B4GALT4: variants seen among roughly 807,000 people sequenced by gnomAD.
B4GALT4 encodes the protein beta-1,4-galactosyltransferase 4.
A neutral mutation model predicts 37.3 loss-of-function variants in B4GALT4; 27 were observed. The ratio of observed to expected loss-of-function variants is 0.72; its 90% CI spans 0.53 to 1.00. B4GALT4 has a LOEUF of 1.00. Ranked by LOEUF, B4GALT4 falls within the 50% of genes least tolerant of loss-of-function variation. The pLI is 0.00. For missense variants in B4GALT4, 372 were observed against 413.1 expected (o/e 0.90, Z 0.86); for synonymous variants, 148 against 154.1 (o/e 0.96, Z 0.29).
At chr3:119,218,892 C>T in intron 5 of B4GALT4, 120 bp from the exon 6 acceptor site, 1 of 1,227,124 alleles carries the variant, frequency 8.1e-7, no homozygotes, top group Non-Finnish European at 1.1e-6. Context: ...ACTCCTGCTT[C>T]TCCTGCTTGA....
intron 3 of B4GALT4, among the ~76,000 whole-genome samples, chr3:119,227,624 C>CA (rs1415172592): frequency 2.6e-5 from 4 of 152,176 alleles, no homozygotes; most frequent in African/African-American, 9.7e-5. Flanking sequence ...TTTGCCACCA[C>CA]AACAGACGTT....
chr3:119,216,894 T>C (rs2078307782), intron 6 of B4GALT4, among the ~76,000 whole-genome samples: 1 of 152,176 alleles, frequency 6.6e-6, no homozygotes, highest in Non-Finnish European at 1.5e-5. Flanking sequence ...TGATAGGGAG[T>C]TGATTTCAAA....
chr3:119,224,143 G>T lies in B4GALT4; in HGVS notation c.589C>A (p.Leu197Met). The change falls in exon 5 of 8, where the codon CTG becomes ATG. Residue 197 changes from leucine to methionine, a missense_variant. Physicochemically the swap from Leu to Met is conservative, Grantham distance 15. Coordinates refer to ENST00000393765, the MANE Select transcript of B4GALT4 (RefSeq NM_003778.4). ...WDCFIFHDVD[L>M]VPENDFNLYK... Reference sequence around the variant, plus strand: ...AGGTTAAAGTCATTCTCGGGTACCAGGTCCACATCGTGGAATATAAAGCAG... The same window carrying T: ...AGGTTAAAGTCATTCTCGGGTACCATGTCCACATCGTGGAATATAAAGCAG... 1 of 1,614,094 alleles carries T rather than the reference G, an allele frequency of 6.2e-7. No individual in the cohort carries two copies.
intron 5 of B4GALT4, among the ~76,000 whole-genome samples, chr3:119,223,776 C>G (rs2078517875): frequency 6.6e-6 from 1 of 152,176 alleles, no homozygotes; most frequent in Non-Finnish European, 1.5e-5. Context: ...CGAAAGCCCC[C>G]CGACAGGGGC....
chr3:119,214,848 C>T (rs1301251397), intron 7 of B4GALT4: 1 of 152,166 alleles, frequency 6.6e-6, no homozygotes, highest in Admixed American at 6.5e-5. Flanking sequence ...CTGCTGAAGT[C>T]ATTAGGTAAA....
At chr3:119,220,811 C>T (rs999838221) in intron 5 of B4GALT4, among the ~76,000 whole-genome samples, 2 of 152,110 alleles carry the variant, frequency 1.3e-5, no homozygotes, top group Admixed American at 6.5e-5. Flanking sequence ...ACTGCGAAAC[C>T]CCGTCTCCAC....
chr3:119,217,709 G>A (rs2078329700), intron 6 of B4GALT4, among the ~76,000 whole-genome samples: 1 of 151,966 alleles, frequency 6.6e-6, no homozygotes, highest in South Asian at 2.1e-4. Flanking sequence ...CAGACACGGC[G>A]GCACACGCCT....
At chr3:119,226,618 C>G in intron 4 of B4GALT4, 191 bp downstream of exon 4, 2 of 602,838 alleles carry the variant, frequency 3.3e-6, no homozygotes, top group Non-Finnish European at 5.8e-6. Flanking sequence ...TTTCCCAGAA[C>G]TTGAACCCAT....
chr3:119,212,430 A>G lies in B4GALT4; in HGVS notation c.*119T>C, dbSNP rs750842521. On this transcript the variant is annotated 3_prime_UTR_variant, in exon 8 of 8. Transcript: ENST00000393765. The stretch of plus-strand genomic sequence containing the variant: ...TGCTAAGAAAATACAAAAAGGAAAA[A>G]TTCAGCTCAACAATGAGCTGTAACA... The G allele has an allele frequency of 3.8e-6, 4 of 1,059,946 alleles. No homozygotes were observed. The African/African-American group carries it at 6.4e-5, about 17-fold the overall frequency. The allele number at this position is 1,059,946 out of a possible 1,614,324, so 65.7% of individuals were successfully genotyped here.
intron 7 of B4GALT4, 44 bp from the exon 8 acceptor site, chr3:119,212,725 A>G (rs761462193): frequency 6.5e-7 from 1 of 1,526,968 alleles, no homozygotes. Flanking sequence ...AATTTAACAT[A>G]TGTCTCCACT....
Position 119,216,451 on chromosome 3 carries a change from C to T in B4GALT4, c.798-107G>A, listed in dbSNP as rs574859324. 2,621 of 472,946 alleles carry T rather than the reference C, an allele frequency of 5.5e-3. 243 individuals carry two copies. Among genetic ancestry groups the T allele is most frequent in the Admixed American group, 0.043 (1,131 of 26,310 alleles). The allele number at this position is 472,946 out of a possible 1,614,324, so 29.3% of individuals were successfully genotyped here. On this transcript the variant is annotated intron_variant, in intron 6 of 7. Coordinates refer to ENST00000393765, the MANE Select transcript of B4GALT4 (RefSeq NM_003778.4). ...TTATACACACACACGCACATACACA[C>T]ACACACACACACACACACACAGTGT...
intron 2 of B4GALT4, among the ~76,000 whole-genome samples, chr3:119,230,802 G>A (rs766128022): frequency 6.6e-6 from 1 of 152,196 alleles, no homozygotes; most frequent in Non-Finnish European, 1.5e-5. Context: ...GGCCAGGAGG[G>A]AGTCTGTCAA....
At chr3:119,223,656 T>C (rs1354503027) in intron 5 of B4GALT4, among the ~76,000 whole-genome samples, 1 of 151,764 alleles carries the variant, frequency 6.6e-6, no homozygotes, top group East Asian at 1.9e-4. Flanking sequence ...GTCTGGAAAG[T>C]GATGTCTCAA....
rs1409074025 is a variant in B4GALT4 at position 119,224,223 on chromosome 3, C to G, written c.509G>C (p.Arg170Pro). The G allele has an allele frequency of 6.2e-7, 1 of 1,606,354 alleles. No individual in the cohort carries two copies. The highest frequency in any genetic ancestry group is 1.7e-5 in the Admixed American group (1 of 58,264). The change falls in exon 5 of 8, where the codon CGA (arginine) becomes CCA (proline). Residue 170 changes from arginine (R) to proline (P), a missense_variant. Coordinates refer to ENST00000393765, the MANE Select transcript of B4GALT4 (RefSeq NM_003778.4). ...ATAGCCCACATTCAAGAGTTTGGCT[C>G]GATTAAACTTTTTACCTTCAGCCTA... The part of the protein sequence containing the change: ...IHQAEGKKFN[R>P]AKLLNVGYLE...
At chr3:119,240,198 C>G (rs997690169) in intron 1 of B4GALT4, 2 of 152,184 alleles carry the variant, frequency 1.3e-5, no homozygotes, top group African/African-American at 4.8e-5. Flanking sequence ...AGGCTACCAA[C>G]CCATAGGCCT....
At chr3:119,229,078 G>T (rs1209806074) in intron 3 of B4GALT4, among the ~76,000 whole-genome samples, 1 of 152,110 alleles carries the variant, frequency 6.6e-6, no homozygotes, top group African/African-American at 2.4e-5. Context: ...AAACACTAAA[G>T]ACCACATTGA....
In B4GALT4 at chr3:119,212,139, T is replaced by G. The variant is rs759201056; in HGVS notation, c.*410A>C. On this transcript the variant is annotated 3_prime_UTR_variant, in exon 8 of 8. Transcript: ENST00000393765. ...TAACAGTATTGTATCTTCGTACCTTTCTACCTTGGACGAGAACAACTCTGG... is the reference window on the plus strand; with the variant it reads ...TAACAGTATTGTATCTTCGTACCTTGCTACCTTGGACGAGAACAACTCTGG... 1.3e-4 allele frequency: 92 copies of G among 702,922 alleles called. No homozygotes were observed. The highest frequency in any genetic ancestry group is 6.0e-5 in the Admixed American group (3 of 49,996). The allele number at this position is 702,922 out of a possible 1,614,324, so 43.5% of individuals were successfully genotyped here.
At chr3:119,236,026 T>C (rs2078975568) in intron 2 of B4GALT4, 1 of 152,150 alleles carries the variant, frequency 6.6e-6, no homozygotes, top group Non-Finnish European at 1.5e-5. Context: ...GGTTCACCAG[T>C]GGATGCTAAA....
intron 1 of B4GALT4, chr3:119,240,406 G>T (rs998635296): frequency 1.3e-5 from 2 of 152,236 alleles, no homozygotes; most frequent in Non-Finnish European, 2.9e-5. Context: ...GCAGGACTGG[G>T]GCTGGTGTCA....
Sources: gnomAD v4.1 joint callset for allele counts (sites outside exome capture counted in the v4.1 genomes callset) on GRCh38, gnomAD v4.1.1 for gene constraint, MANE v1.5 for transcripts, NCBI Gene and HGNC (gene_info 2026-07-23, HGNC 2026-07-21) for gene names.